Variants in SORT1 observed in about 807,000 individuals in gnomAD.
SORT1 encodes sortilin 1, also known as sortilin.
A neutral mutation model predicts 101.7 loss-of-function variants in SORT1; 39 were observed. The observed-to-expected ratio is 0.38, with a 90% confidence interval of 0.30 to 0.50. SORT1 has a LOEUF of 0.50. Ranked by LOEUF, SORT1 falls within the 20% of genes least tolerant of loss-of-function variation. The pLI, the probability that SORT1 is intolerant of heterozygous loss-of-function variation, is 0.90. For synonymous variants in SORT1, 396 were observed against 393.7 expected, an observed-to-expected ratio of 1.01 and a Z score of -0.07; for missense variants, 878 against 1,040.4, an observed-to-expected ratio of 0.84 and a Z score of 2.15.
intron 11 of SORT1, among the ~76,000 whole-genome samples, chr1:109,331,058 C>T (rs1006841788): frequency 5.9e-5 from 9 of 152,032 alleles, no homozygotes; most frequent in African/African-American, 1.4e-4. Flanking sequence ...GAATTAAGAC[C>T]GATCCTTCTC....
At chr1:109,380,109 C>T (rs936452840) in intron 1 of SORT1, among the ~76,000 whole-genome samples, 1 of 151,988 alleles carries the variant, frequency 6.6e-6, no homozygotes, top group Admixed American at 6.6e-5. Context: ...GACCCTGTCT[C>T]TACCAAAAAA....
chr1:109,342,891 T>A (rs1335422481), intron 8 of SORT1, among the ~76,000 whole-genome samples: 1 of 152,080 alleles, frequency 6.6e-6, no homozygotes, highest in Non-Finnish European at 1.5e-5. Context: ...TTAATGTCGG[T>A]GTTTCCTTAG....
intron 1 of SORT1, chr1:109,393,053 T>C (rs1437178025): frequency 3.0e-6 from 3 of 985,202 alleles, no homozygotes; most frequent in Non-Finnish European, 3.6e-6. Flanking sequence ...GTTACAAAGG[T>C]CTGGCGATTC....
Position 109,314,401 on chromosome 1 carries a change from CCTT to C in SORT1, c.2358-20_2358-18del. 6.2e-7 allele frequency: 1 copy of C among 1,613,014 alleles called. No homozygotes were observed. The highest frequency in any genetic ancestry group is 8.5e-7 in the Non-Finnish European group (1 of 1,179,766). On this transcript the variant is annotated intron_variant, in intron 18 of 19. Coordinates refer to ENST00000256637, the MANE Select transcript of SORT1 (RefSeq NM_002959.7). ...ACCAGGAACCTGTGAACAGAAACCT[CCTT>C]AACACTCGGTGGTACACAGCAGGGG...
chr1:109,339,775 C>T (rs1323722581), intron 10 of SORT1, among the ~76,000 whole-genome samples: 1 of 152,132 alleles, frequency 6.6e-6, no homozygotes, highest in Non-Finnish European at 1.5e-5. Flanking sequence ...TAAACAGTTA[C>T]ATGTATAACA....
Position 109,348,752 on chromosome 1 carries a change from C to T in SORT1, c.783-1220G>A, listed in dbSNP as rs562728756. ...AAGCAATCCTTCCATCTCAGCCTCCCAAAGTGCTTGGATTAGGGGTATGAG... is the reference window on the plus strand; with the variant it reads ...AAGCAATCCTTCCATCTCAGCCTCCTAAAGTGCTTGGATTAGGGGTATGAG... On this transcript the variant is annotated intron_variant, in intron 6 of 19. Transcript: ENST00000256637. Among the ~76,000 whole-genome samples, 15 of 152,208 alleles carry T rather than the reference C, an allele frequency of 9.9e-5. No individual in the cohort carries two copies. In the East Asian group the frequency reaches 2.9e-3, roughly 29 times the overall value.
intron 1 of SORT1, among the ~76,000 whole-genome samples, chr1:109,396,629 A>C (rs984106757): frequency 1.2e-4 from 18 of 152,202 alleles, no homozygotes; most frequent in African/African-American, 4.3e-4. Flanking sequence ...GACGCTGAAA[A>C]ACGGTTACAG....
intron 16 of SORT1, 90 bp downstream of exon 16, chr1:109,317,763 A>C: frequency 1.1e-6 from 1 of 881,232 alleles, no homozygotes; most frequent in Non-Finnish European, 1.8e-6. Context: ...GCTCTAAAGT[A>C]GGGCTTGGAT....
chr1:109,362,790 T>C (rs1430569050), intron 3 of SORT1, among the ~76,000 whole-genome samples: 1 of 151,958 alleles, frequency 6.6e-6, no homozygotes, highest in Non-Finnish European at 1.5e-5. Context: ...CATTTTAATA[T>C]ACTTTTTCTT....
At chr1:109,383,315 C>T (rs928033072) in intron 1 of SORT1, among the ~76,000 whole-genome samples, 1 of 152,146 alleles carries the variant, frequency 6.6e-6, no homozygotes, top group Admixed American at 6.5e-5. Context: ...TGCCCTCTTT[C>T]AACAAATATG....
At chr1:109,397,059 A>C (rs1388078656) in intron 1 of SORT1, 2 of 152,258 alleles carry the variant, frequency 1.3e-5, no homozygotes, top group Non-Finnish European at 2.9e-5. Flanking sequence ...GTCAAATCTG[A>C]AGCAGTAAAA....
chr1:109,395,278 C>T (rs1251043165), intron 1 of SORT1, among the ~76,000 whole-genome samples: 1 of 119,094 alleles, frequency 8.4e-6, no homozygotes, highest in Non-Finnish European at 1.6e-5. Flanking sequence ...TGGAGTACAA[C>T]GGTGCGATCT....
In SORT1 at chr1:109,310,650, G is replaced by A. The variant is rs1658671496; in HGVS notation, c.*3393C>T. On this transcript the variant is annotated 3_prime_UTR_variant, in exon 20 of 20. Coordinates refer to ENST00000256637, the MANE Select transcript of SORT1 (RefSeq NM_002959.7). ...AGGGGCGAGGGGCTACACTGACAAT[G>A]AGCAGGATGCACTCTAGGTCATTGT... 6.5e-6 allele frequency: 1 copy of A among 152,964 alleles called. No individual in the cohort carries two copies. Among genetic ancestry groups the A allele is most frequent in the Admixed American group, 6.5e-5 (1 of 15,286 alleles). 9.5% of individuals were successfully genotyped at this position (152,964 alleles called of 1,614,324 possible). A position where few individuals can be genotyped will look rare whatever the true frequency, so the allele number is the denominator to read the frequency against.
chr1:109,357,614 T>C (rs773856671), intron 3 of SORT1, among the ~76,000 whole-genome samples: 1 of 152,246 alleles, frequency 6.6e-6, no homozygotes, highest in East Asian at 1.9e-4. Context: ...TTCCTCTGTC[T>C]TGCTGGGGGC....
At chr1:109,336,208 G>A (rs1417034525) in intron 11 of SORT1, 32 bp downstream of exon 11, 5 of 1,304,590 alleles carry the variant, frequency 3.8e-6, no homozygotes, top group Non-Finnish European at 4.5e-6. Context: ...TGGAAAGGCT[G>A]CTGTGCTCTG....
chr1:109,326,492 T>C (rs574380450), intron 13 of SORT1, among the ~76,000 whole-genome samples: 64 of 66,116 alleles, frequency 9.7e-4, no homozygotes, highest in East Asian at 4.3e-3. Flanking sequence ...CACATATATA[T>C]ACACACATAT....
Position 109,325,056 on chromosome 1 carries a change from G to C in SORT1, c.1677C>G (p.Thr559=), listed in dbSNP as rs1362545460. ...FSTDEGQCWQ[T]YTFTRDPIYF... ...AGATGGGGTCCCTGGTGAACGTGTA[G>C]GTTTGCCAGCATTGACCTTCGTCTG... Residue 559 remains threonine, a synonymous_variant, in exon 14 of 20, where the codon ACC becomes ACG. Transcript: ENST00000256637. 6.2e-7 allele frequency: 1 copy of C among 1,613,160 alleles called. No homozygotes were observed. The highest frequency in any genetic ancestry group is 1.1e-5 in the South Asian group (1 of 91,038).
In SORT1 at chr1:109,397,619, A is replaced by T; in HGVS notation, c.274T>A (p.Phe92Ile). 1 of 1,286,928 alleles carries T rather than the reference A, an allele frequency of 7.8e-7. No individual in the cohort carries two copies. Among genetic ancestry groups the T allele is most frequent in the Non-Finnish European group, 1.0e-6 (1 of 1,004,510 alleles). The allele number at this position is 1,286,928 out of a possible 1,614,324, so 79.7% of individuals were successfully genotyped here. ...EDEECGRVRDFVAKLANNTHQ... is the reference protein window; with the variant it reads ...EDEECGRVRDIVAKLANNTHQ... ...GTGTTGTTGGCCAGCTTGGCGACGA[A>T]GTCCCGGACCCGGCCGCACTCCTCG... The change falls in exon 1 of 20, where the codon TTC (phenylalanine) becomes ATC (isoleucine). Residue 92 changes from phenylalanine to isoleucine, a missense_variant. This residue lies in a region of SORT1 where 194 missense variants were observed against 145.9 expected (regional missense o/e 1.33). Transcript: ENST00000256637.
chr1:109,364,083 A>G (rs577581784), intron 3 of SORT1, among the ~76,000 whole-genome samples: 25 of 152,326 alleles, frequency 1.6e-4, no homozygotes, highest in Non-Finnish European at 2.5e-4. Flanking sequence ...AAACAAACAA[A>G]AAAAGAAACA....
Sources: gnomAD v4.1 joint callset for allele counts (sites outside exome capture counted in the v4.1 genomes callset) on GRCh38, gnomAD v4.1.1 for gene constraint, gnomAD v4.1.1 regional missense constraint, MANE v1.5 for transcripts, NCBI Gene and HGNC (gene_info 2026-07-23, HGNC 2026-07-21) for gene names.